The following MMP27 variants were observed in gnomAD, a reference collection of about 807,000 sequenced individuals.
MMP27 encodes matrix metalloproteinase-27.
Under a neutral mutation model 48.1 loss-of-function variants are expected in MMP27, and 51 were observed. The ratio of observed to expected loss-of-function variants is 1.06; its 90% CI spans 0.85 to 1.34. The LOEUF is 1.34. Among genes scored for constraint, MMP27 ranks in the 40% most tolerant of loss-of-function variants. The probability of loss-of-function intolerance (pLI) is 0.00; values close to 1 mark genes in which losing one functional copy is unlikely to be tolerated. For synonymous variants in MMP27, 229 were observed against 208.9 expected (o/e 1.10, Z -0.83); for missense variants, 698 against 619.3 (o/e 1.13, Z -1.35).
At chr11:102,696,954 C>T (rs184269656) in intron 4 of MMP27, 119 bp from the exon 5 acceptor site, 207 of 1,003,862 alleles carry the variant, frequency 2.1e-4, no homozygotes, top group Non-Finnish European at 2.7e-4. Flanking sequence ...GCAGATAATT[C>T]TCATATGTAC....
At chr11:102,695,538 A>C (rs1860808493) in intron 6 of MMP27, among the ~76,000 whole-genome samples, 1 of 152,194 alleles carries the variant, frequency 6.6e-6, no homozygotes, top group Admixed American at 6.5e-5. Flanking sequence ...GAGTCTATGA[A>C]TGAGACGTGA....
chr11:102,698,172 T>C (rs1036211981), intron 4 of MMP27, among the ~76,000 whole-genome samples: 1 of 152,310 alleles, frequency 6.6e-6, no homozygotes, highest in African/African-American at 2.4e-5. Context: ...TATTATCAAG[T>C]ATTATGTACT....
rs762375766 is a variant in MMP27, at chr11:102,692,981, A to G, written c.1254T>C (p.Phe418=). 2.5e-6 allele frequency: 4 copies of G among 1,613,858 alleles called. No individual in the cohort carries two copies. The highest frequency in any genetic ancestry group is 3.4e-6 in the Non-Finnish European group (4 of 1,179,832). The change falls in exon 9 of 10, where the codon TTT becomes TTC. Residue 418 remains phenylalanine (F), a synonymous_variant. Coordinates refer to ENST00000260229, the MANE Select transcript of MMP27 (RefSeq NM_022122.3). ...CATCAACACGGATACTGATTCCAGG[A>G]AAGTGTTTTACCACTCTCTGCGGGA... ...KGFPQRVVKH[F]PGISIRVDAA...
chr11:102,703,383 G>C (rs1460011187), intron 2 of MMP27, among the ~76,000 whole-genome samples: 1 of 152,136 alleles, frequency 6.6e-6, no homozygotes, highest in Non-Finnish European at 1.5e-5. Flanking sequence ...ACTTCACTAA[G>C]ATCACATCCC....
At chr11:102,700,197 A>G (rs567468718) in intron 4 of MMP27, among the ~76,000 whole-genome samples, 3 of 152,330 alleles carry the variant, frequency 2.0e-5, no homozygotes, top group African/African-American at 7.2e-5. Context: ...TCATTGAGTG[A>G]CTTTATTTAC....
chr11:102,696,949 T>C, intron 4 of MMP27, 114 bp from the exon 5 acceptor site: 1 of 1,069,216 alleles, frequency 9.4e-7, no homozygotes, highest in South Asian at 1.7e-5. Context: ...ATACAGCAGA[T>C]AATTCTCATA....
In MMP27 at chr11:102,702,870, A is replaced by G. The variant is rs548417432; in HGVS notation, c.502T>C (p.Cys168Arg). The G allele has an allele frequency of 3.7e-6, 6 of 1,613,872 alleles. No individual in the cohort carries two copies. The African/African-American group carries it at 5.3e-5, about 14-fold the overall frequency. ...IAFRTRVHGR[C>R]PRYFDGPLGV... ...AAGGGACCATCAAAATAGCGAGGACACCGACCATGGACTGAGATACAATTT... is the reference window on the plus strand; with the variant it reads ...AAGGGACCATCAAAATAGCGAGGACGCCGACCATGGACTGAGATACAATTT... Residue 168 changes from cysteine (C) to arginine (R), a missense_variant, in exon 4 of 10, where the codon TGT becomes CGT. Physicochemically the swap from Cys to Arg is radical, Grantham distance 180. Coordinates refer to ENST00000260229, the MANE Select transcript of MMP27 (RefSeq NM_022122.3).
At position 102,694,853 on chromosome 11, in the gene MMP27, G is replaced by A. The variant is rs920899977; in HGVS notation, c.1033+114C>T. The A allele has an allele frequency of 4.2e-6, 5 of 1,197,126 alleles. No homozygotes were observed. The African/African-American group carries it at 6.1e-5, about 15-fold the overall frequency. 74.2% of individuals were successfully genotyped at this position (1,197,126 alleles called of 1,614,324 possible). A position where few individuals can be genotyped will look rare whatever the true frequency, so the allele number is the denominator to read the frequency against. ...TTTACGACAGGAACCTAAGATGAGAGCAAAAGCCCTGCGCCTTGGCTCATG... is the reference window on the plus strand; with the variant it reads ...TTTACGACAGGAACCTAAGATGAGAACAAAAGCCCTGCGCCTTGGCTCATG... On this transcript the variant is annotated intron_variant, in intron 7 of 9. Transcript: ENST00000260229.
Position 102,702,709 on chromosome 11 carries a change from C to T in MMP27, c.619+44G>A. 4 of 1,558,660 alleles carry T rather than the reference C, an allele frequency of 2.6e-6. No homozygotes were observed. In the South Asian group the frequency reaches 3.7e-5, roughly 14 times the overall value. Reference sequence around the variant, plus strand: ...TACAAAGCTATTCTTTTCAGGGATTCTTTAGAATAATAAGATTTTGTTCAT... The same window carrying T: ...TACAAAGCTATTCTTTTCAGGGATTTTTTAGAATAATAAGATTTTGTTCAT... On this transcript the variant is annotated intron_variant, in intron 4 of 9. Transcript: ENST00000260229.
Position 102,702,766 on chromosome 11 carries a change from G to A in MMP27, c.606C>T (p.Thr202=), listed in dbSNP as rs1225232233. 3 of 1,609,680 alleles carry A rather than the reference G, an allele frequency of 1.9e-6. No homozygotes were observed. The African/African-American group carries it at 4.0e-5, about 22-fold the overall frequency. Residue 202 remains threonine, a synonymous_variant, in exon 4 of 10, where the codon ACC becomes ACT. Transcript: ENST00000260229. ...DTHFDEDENW[T]KDGAGFNLFL... ...AATTAGACTCACCTGCTCCATCCTT[G>A]GTCCAGTTTTCATCCTCATCAAAAT...
Position 102,694,078 on chromosome 11 carries a change from G to A in MMP27, c.1034-13C>T. 6 of 1,529,140 alleles carry A rather than the reference G, an allele frequency of 3.9e-6. No homozygotes were observed. The highest frequency in any genetic ancestry group is 4.4e-6 in the Non-Finnish European group (5 of 1,140,870). The allele number at this position is 1,529,140 out of a possible 1,614,324, so 94.7% of individuals were successfully genotyped here. ...CAGAAGTTTTCATCTAGGAAGAGAG[G>A]AGTGATTATTTATTTTCTAGAGGGA... On this transcript the variant is annotated splice_polypyrimidine_tract_variant and intron_variant, in intron 7 of 9. Transcript: ENST00000260229.
rs1273758121 is a variant in MMP27, at chr11:102,696,837, T to C, written c.620-2A>G. The C allele has an allele frequency of 6.2e-7, 1 of 1,606,084 alleles. No individual in the cohort carries two copies. On this transcript the variant is annotated splice_acceptor_variant, in intron 4 of 9. Transcript: ENST00000260229. LOFTEE classifies it high-confidence loss of function. The stretch of plus-strand genomic sequence containing the variant: ...CAGCCACAAGAAACAAGTTGAATCC[T>C]TGATAATAACAGGGAAAACACGAGC...
In MMP27 at chr11:102,693,995, A is replaced by T. The variant is rs537377094; in HGVS notation, c.1104T>A (p.Gly368=). ...CTATTTTCTTCACACGTCCTGGAAA[A>T]CCTAATGTATGGATGGATTTGGGAT... ...PDYPKSIHTL[G]FPGRVKKIDA... The change falls in exon 8 of 10, where the codon GGT becomes GGA. Residue 368 remains glycine (G), a synonymous_variant. Coordinates refer to ENST00000260229, the MANE Select transcript of MMP27 (RefSeq NM_022122.3). 1.9e-6 allele frequency: 3 copies of T among 1,610,716 alleles called. No individual in the cohort carries two copies. The African/African-American group carries it at 4.0e-5, about 22-fold the overall frequency.
intron 1 of MMP27, among the ~76,000 whole-genome samples, chr11:102,705,255 T>C (rs1861024532): frequency 6.6e-6 from 1 of 152,228 alleles, no homozygotes; most frequent in African/African-American, 2.4e-5. Context: ...GTATTTTTTT[T>C]CATACATATA....
chr11:102,698,762 C>T (rs1443415442), intron 4 of MMP27, among the ~76,000 whole-genome samples: 2 of 152,186 alleles, frequency 1.3e-5, no homozygotes, highest in African/African-American at 2.4e-5. Context: ...CATATCTCTT[C>T]CACTTTCTCC....
At chr11:102,696,876 A>G in intron 4 of MMP27, 41 bp from the exon 5 acceptor site, 1 of 1,580,180 alleles carries the variant, frequency 6.3e-7, no homozygotes, top group Non-Finnish European at 8.6e-7. Flanking sequence ...TGACTTAATC[A>G]AAAAGAGAAT....
intron 2 of MMP27, among the ~76,000 whole-genome samples, chr11:102,703,384 A>T (rs975741213): frequency 1.3e-5 from 2 of 152,208 alleles, no homozygotes; most frequent in South Asian, 4.1e-4. Flanking sequence ...CTTCACTAAG[A>T]TCACATCCCA....
intron 3 of MMP27, 34 bp downstream of exon 3, chr11:102,702,936 T>A (rs1565429431): frequency 6.2e-7 from 1 of 1,612,070 alleles, no homozygotes; most frequent in East Asian, 2.2e-5. Flanking sequence ...TCTCCTGAGA[T>A]AAAAATAGCT....
At chr11:102,699,983 G>GTTGGAC (rs1339204312) in intron 4 of MMP27, among the ~76,000 whole-genome samples, 4 of 152,174 alleles carry the variant, frequency 2.6e-5, no homozygotes. Context: ...GTGGGTCTGG[G>GTTGGAC]TTGGACTTTC....
Sources: gnomAD v4.1 joint callset for allele counts (sites outside exome capture counted in the v4.1 genomes callset) on GRCh38, gnomAD v4.1.1 for gene constraint, MANE v1.5 for transcripts, NCBI Gene and HGNC (gene_info 2026-07-23, HGNC 2026-07-21) for gene names.